The following MLIP variants were observed in gnomAD, a reference collection of about 807,000 sequenced individuals.
The protein encoded by MLIP is muscular LMNA interacting protein.
Under a neutral mutation model 84.8 loss-of-function variants are expected in MLIP, and 79 were observed. That is an observed-to-expected ratio of 0.93 (90% CI 0.78 to 1.12). The LOEUF is 1.12. Among genes scored for constraint, MLIP ranks in the 50% most tolerant of loss-of-function variants. The pLI, the probability that MLIP is intolerant of heterozygous loss-of-function variation, is 0.00. For synonymous variants in MLIP, 504 were observed against 463.0 expected (o/e 1.09, Z -1.14); for missense variants, 1,257 against 1,160.6 (o/e 1.08, Z -1.21).
rs184079517 is a variant in MLIP, at chr6:54,061,115, G to A, written c.63+42024G>A. Among the ~76,000 whole-genome samples the A allele has an allele frequency of 2.6e-3, 394 of 152,096 alleles. 3 individuals are homozygous for A. Among genetic ancestry groups the A allele is most frequent in the Non-Finnish European group, 3.4e-3 (230 of 67,998 alleles). ...GTTGAGATATCTAGGAGAAGTGTCT[G>A]GAACTCTAGAAACAGTAACCAACAA... On this transcript the variant is annotated intron_variant, in intron 1 of 12. Coordinates refer to the MLIP transcript ENST00000274897.
At position 54,100,125 on chromosome 6, in the gene MLIP, G is replaced by C. The variant is rs116140616; in HGVS notation, c.64-21322G>C. Among the ~76,000 whole-genome samples, 368 of 152,214 alleles carry C rather than the reference G, an allele frequency of 2.4e-3. 2 individuals are homozygous for C. Among genetic ancestry groups the C allele is most frequent in the African/African-American group, 8.4e-3 (351 of 41,548 alleles). On this transcript the variant is annotated intron_variant, in intron 1 of 12. Coordinates refer to the MLIP transcript ENST00000274897. ...CAATAATAACTAATCTCTTTTGAAA[G>C]CTTATCACATGGTGCTCATCATGTT...
intron 5 of MLIP, among the ~76,000 whole-genome samples, chr6:54,151,731 G>A (rs563328906): frequency 3.3e-5 from 5 of 152,202 alleles, no homozygotes; most frequent in East Asian, 1.9e-4. Flanking sequence ...CCCATGATGG[G>A]TATCTTATGC....
chr6:54,223,669 G>A (rs2180931), intron 11 of MLIP, among the ~76,000 whole-genome samples: 102,825 of 151,894 alleles, frequency 0.68, 37,847 homozygotes, highest in Non-Finnish European at 0.81. Context: ...TTCAAAAAAG[G>A]GTGTTTGAAA....
At chr6:54,250,088 G>A (rs533310640) in intron 12 of MLIP, among the ~76,000 whole-genome samples, 12 of 151,798 alleles carry the variant, frequency 7.9e-5, no homozygotes, top group Admixed American at 5.9e-4. Flanking sequence ...AGGATGATGC[G>A]TCCAACAATC....
chr6:54,253,105 G>A (rs963794481), intron 12 of MLIP, among the ~76,000 whole-genome samples: 2 of 152,086 alleles, frequency 1.3e-5, no homozygotes, highest in African/African-American at 4.8e-5. Flanking sequence ...AACTAACAAC[G>A]AGTTAGTTTT....
intron 1 of MLIP, among the ~76,000 whole-genome samples, chr6:54,050,875 AC>A (rs2150316620): frequency 6.6e-6 from 1 of 152,292 alleles, no homozygotes; most frequent in Non-Finnish European, 1.5e-5. Context: ...CTATTTTTAT[AC>A]GCTTATCTTT....
intron 1 of MLIP, among the ~76,000 whole-genome samples, chr6:54,023,744 A>C (rs2150265747): frequency 6.6e-6 from 1 of 151,412 alleles, no homozygotes; most frequent in South Asian, 2.1e-4. Context: ...TAATTTTTGT[A>C]TTTTTAGTAG....
intron 3 of MLIP, among the ~76,000 whole-genome samples, chr6:54,132,177 C>G (rs985066149): frequency 6.6e-6 from 1 of 152,044 alleles, no homozygotes; most frequent in African/African-American, 2.4e-5. Flanking sequence ...CAAAAGACTG[C>G]GTTTATGATG....
At chr6:54,215,317 A>G (rs912886880) in intron 11 of MLIP, 29 of 1,376,384 alleles carry the variant, frequency 2.1e-5, no homozygotes, top group Admixed American at 3.5e-5. Context: ...GGCTCTTGTG[A>G]TTTTTGAAAA....
chr6:54,109,585 T>C (rs990399009), upstream of MLIP, among the ~76,000 whole-genome samples: 2 of 151,976 alleles, frequency 1.3e-5, no homozygotes, highest in African/African-American at 4.8e-5. Flanking sequence ...TACTTGCTAT[T>C]CCATCCCACC....
At chr6:54,206,316 T>G (rs1192036227) in intron 11 of MLIP, among the ~76,000 whole-genome samples, 1 of 152,140 alleles carries the variant, frequency 6.6e-6, no homozygotes, top group East Asian at 1.9e-4. Context: ...ATTAGATATA[T>G]TGATACTTTC....
intron 11 of MLIP, among the ~76,000 whole-genome samples, chr6:54,219,296 T>C (rs1780062860): frequency 6.6e-6 from 1 of 151,122 alleles, no homozygotes; most frequent in African/African-American, 2.4e-5. Context: ...TTTATTTATA[T>C]CTTTAATCTA....
At chr6:54,020,954 G>A (rs1309554841) in intron 1 of MLIP, among the ~76,000 whole-genome samples, 1 of 152,194 alleles carries the variant, frequency 6.6e-6, no homozygotes, top group East Asian at 1.9e-4. Flanking sequence ...AAGGAACCTG[G>A]CACCTTTCAG....
chr6:54,078,327 A>G (rs1389196074), intron 1 of MLIP, among the ~76,000 whole-genome samples: 1 of 152,242 alleles, frequency 6.6e-6, no homozygotes, highest in East Asian at 1.9e-4. Context: ...ATGGTGGCTC[A>G]TGCTTGTAAT....
rs766323326 is a variant in MLIP at position 54,202,100 on chromosome 6, T to C, written c.2590-5T>C. 1.3e-6 allele frequency: 2 copies of C among 1,557,944 alleles called. No homozygotes were observed. The highest frequency in any genetic ancestry group is 1.3e-5 in the South Asian group (1 of 79,982). On this transcript the variant is annotated splice_polypyrimidine_tract_variant and splice_region_variant and intron_variant, in intron 10 of 13. Transcript: ENST00000502396. ...TTTTAAAATATTTATTTTACATTCATGAAGACTAAGCCTGGAGTAATTCGC... is the reference window on the plus strand; with the variant it reads ...TTTTAAAATATTTATTTTACATTCACGAAGACTAAGCCTGGAGTAATTCGC...
intron 12 of MLIP, among the ~76,000 whole-genome samples, chr6:54,244,587 T>C (rs1339690651): frequency 6.6e-6 from 1 of 152,200 alleles, no homozygotes; most frequent in African/African-American, 2.4e-5. Flanking sequence ...CAATCATTTT[T>C]AGCTAGGTTC....
intron 1 of MLIP, chr6:54,046,764 T>C (rs1257835497): frequency 6.6e-6 from 1 of 152,168 alleles, no homozygotes; most frequent in Admixed American, 6.5e-5. Context: ...TCTTGTCCCT[T>C]GAAATTGTAT....
intron 9 of MLIP, among the ~76,000 whole-genome samples, chr6:54,175,941 G>A (rs1022896635): frequency 4.6e-5 from 7 of 151,946 alleles, no homozygotes; most frequent in Admixed American, 2.6e-4. Flanking sequence ...TTTTAATCAT[G>A]AAGGGATGTT....
At chr6:54,239,570 A>G (rs963775367) in intron 12 of MLIP, among the ~76,000 whole-genome samples, 7 of 150,798 alleles carry the variant, frequency 4.6e-5, no homozygotes, top group African/African-American at 1.7e-4. Context: ...CAGGAGTTCA[A>G]GACCAGCCTG....
Sources: allele counts gnomAD v4.1 joint callset (sites outside exome capture counted in the v4.1 genomes callset), GRCh38; gene constraint gnomAD v4.1.1; transcripts MANE v1.5; gene names NCBI Gene and HGNC (gene_info 2026-07-23, HGNC 2026-07-21).